The following GAN variants were observed in gnomAD, a reference collection of about 807,000 sequenced individuals.
GAN encodes gigaxonin, also known as epididymis secretory sperm binding protein.
GAN carries 48 observed loss-of-function variants against 71.3 expected under a neutral mutation model. The ratio of observed to expected loss-of-function variants is 0.67; its 90% CI spans 0.53 to 0.86. The LOEUF is 0.86. GAN is among the 40% of genes least tolerant of loss of function. GAN has a pLI of 0.00. For synonymous variants in GAN, 386 were observed against 276.8 expected, an observed-to-expected ratio of 1.39 and a Z score of -3.92; for missense variants, 928 against 770.1, an observed-to-expected ratio of 1.21 and a Z score of -2.43.
chr16:81,315,665 C>T (rs1909011653), intron 1 of GAN, among the ~76,000 whole-genome samples: 1 of 152,172 alleles, frequency 6.6e-6, no homozygotes, highest in African/African-American at 2.4e-5. Flanking sequence ...CTGGGCGAGG[C>T]CGCGCCGGGG....
intron 5 of GAN, among the ~76,000 whole-genome samples, chr16:81,359,830 T>A (rs1910612966): frequency 6.6e-6 from 1 of 152,178 alleles, no homozygotes. Flanking sequence ...CAATAACTGA[T>A]AATAAAACGA....
chr16:81,321,840 G>A (rs1176690371), intron 1 of GAN, among the ~76,000 whole-genome samples: 2 of 152,218 alleles, frequency 1.3e-5, no homozygotes, highest in Non-Finnish European at 2.9e-5. Flanking sequence ...ACACGTGGCA[G>A]GCTATGGTTG....
intron 1 of GAN, among the ~76,000 whole-genome samples, chr16:81,351,194 A>C (rs1910288620): frequency 6.6e-6 from 1 of 152,186 alleles, no homozygotes; most frequent in Non-Finnish European, 1.5e-5. Context: ...GGCTATTGAC[A>C]AGGTCTTAGC....
intron 1 of GAN, among the ~76,000 whole-genome samples, chr16:81,325,984 A>T (rs983435773): frequency 1.3e-5 from 2 of 152,078 alleles, no homozygotes; most frequent in African/African-American, 4.8e-5. Flanking sequence ...TTTCATATTC[A>T]TCCTTCAAGG....
intron 1 of GAN, among the ~76,000 whole-genome samples, chr16:81,318,325 G>C (rs1053364854): frequency 2.0e-5 from 3 of 152,180 alleles, no homozygotes; most frequent in African/African-American, 7.2e-5. Flanking sequence ...GTTTGGCCTA[G>C]TGTTGGTAAC....
At chr16:81,327,397 G>T (rs1909425205) in intron 1 of GAN, among the ~76,000 whole-genome samples, 1 of 152,154 alleles carries the variant, frequency 6.6e-6, no homozygotes, top group Admixed American at 6.5e-5. Context: ...ATTTATTAAA[G>T]GGAACTGGAG....
At chr16:81,324,967 A>G (rs1200245599) in intron 1 of GAN, among the ~76,000 whole-genome samples, 1 of 152,154 alleles carries the variant, frequency 6.6e-6, no homozygotes, top group Non-Finnish European at 1.5e-5. Flanking sequence ...CAGCTGGATT[A>G]CAGACATTTG....
chr16:81,364,859 A>G, intron 7 of GAN, 115 bp from the exon 8 acceptor site: 1 of 1,017,152 alleles, frequency 9.8e-7, no homozygotes. Flanking sequence ...TTTTACGGTT[A>G]GAAATCAAAC....
At chr16:81,330,626 C>T (rs11861112) in intron 1 of GAN, among the ~76,000 whole-genome samples, 1 of 152,158 alleles carries the variant, frequency 6.6e-6, no homozygotes, top group South Asian at 2.1e-4. Context: ...GGATAGAAAT[C>T]ATCATTGAAG....
intron 1 of GAN, among the ~76,000 whole-genome samples, chr16:81,325,813 T>C (rs920206473): frequency 6.6e-6 from 1 of 152,260 alleles, no homozygotes; most frequent in Non-Finnish European, 1.5e-5. Flanking sequence ...CTTAAATGTG[T>C]TGAATTTGAA....
intron 1 of GAN, among the ~76,000 whole-genome samples, chr16:81,331,753 C>G (rs1445279179): frequency 1.3e-5 from 2 of 152,164 alleles, no homozygotes; most frequent in African/African-American, 4.8e-5. Context: ...GAGCAAATCT[C>G]TAAATTTAAA....
chr16:81,320,306 C>T lies in GAN; in HGVS notation c.167+5026C>T, dbSNP rs142868132. On this transcript the variant is annotated intron_variant, in intron 1 of 10. Coordinates refer to ENST00000648994, the MANE Select transcript of GAN (RefSeq NM_022041.4). ...TTAATGTCACATGGGCACTAAAGTC[C>T]GTGAGTACTATGTGGTGTGTGCAGA... Among the ~76,000 whole-genome samples the T allele has an allele frequency of 3.5e-4, 53 of 152,270 alleles. No individual in the cohort carries two copies. The East Asian group carries it at 8.3e-3, about 24-fold the overall frequency.
At chr16:81,329,881 C>G (rs1263446222) in intron 1 of GAN, among the ~76,000 whole-genome samples, 1 of 152,176 alleles carries the variant, frequency 6.6e-6, no homozygotes, top group African/African-American at 2.4e-5. Flanking sequence ...CCCACTGATA[C>G]CAAGCCCGCT....
At chr16:81,366,246 CTG>C (rs1213042377) in intron 9 of GAN, among the ~76,000 whole-genome samples, 1 of 152,196 alleles carries the variant, frequency 6.6e-6, no homozygotes, top group Admixed American at 6.5e-5. Context: ...TTCGTCAGCT[CTG>C]TATCCTGGCT....
chr16:81,332,462 G>A lies in GAN; in HGVS notation c.167+17182G>A, dbSNP rs78017588. Among the ~76,000 whole-genome samples the A allele has an allele frequency of 8.6e-3, 1,303 of 152,306 alleles. 16 individuals are homozygous for A. The highest frequency in any genetic ancestry group is 0.024 in the Middle Eastern group (7 of 294). ...TTTGTATGATCAACTTTCACACCTG[G>A]GATGTAGTCTTTTACTGTAATGCTT... On this transcript the variant is annotated intron_variant, in intron 1 of 10. Coordinates refer to ENST00000648994, the MANE Select transcript of GAN (RefSeq NM_022041.4).
intron 5 of GAN, among the ~76,000 whole-genome samples, chr16:81,361,004 A>G (rs1045223250): frequency 2.0e-5 from 3 of 152,166 alleles, no homozygotes; most frequent in Non-Finnish European, 2.9e-5. Flanking sequence ...CGGGTGGATC[A>G]TTTGAGGTCA....
chr16:81,376,749 A>T (rs1220534042), intron 9 of GAN, among the ~76,000 whole-genome samples: 1 of 151,980 alleles, frequency 6.6e-6, no homozygotes, highest in Non-Finnish European at 1.5e-5. Flanking sequence ...GTGGTGGTGC[A>T]CACCTGTAAT....
intron 1 of GAN, among the ~76,000 whole-genome samples, chr16:81,318,605 A>C (rs913490306): frequency 1.3e-5 from 2 of 152,232 alleles, no homozygotes; most frequent in Non-Finnish European, 2.9e-5. Context: ...AATTAAAGTA[A>C]CTTGTTTGGC....
At position 81,382,468 on chromosome 16, in the gene GAN, TGAAAGA is replaced by T. The variant is rs1329212133; in HGVS notation, c.*4877_*4882del. 6.6e-6 allele frequency: 1 copy of T among 152,242 alleles called. No individual in the cohort carries two copies. The highest frequency in any genetic ancestry group is 1.5e-5 in the Non-Finnish European group (1 of 68,050). 9.4% of individuals were successfully genotyped at this position (152,242 alleles called of 1,614,324 possible). A position where few individuals can be genotyped will look rare whatever the true frequency, so the allele number is the denominator to read the frequency against. ...TCGTAAGAACAGAAGAAAGTTTCTT[TGAAAGA>T]GAAACTGTTTTTTTATTTCAAAGAG... On this transcript the variant is annotated 3_prime_UTR_variant, in exon 11 of 11. Transcript: ENST00000648994.
Sources: allele counts gnomAD v4.1 joint callset (sites outside exome capture counted in the v4.1 genomes callset), GRCh38; gene constraint gnomAD v4.1.1; transcripts MANE v1.5; gene names NCBI Gene and HGNC (gene_info 2026-07-23, HGNC 2026-07-21).